The following GRID2 variants were observed in gnomAD, a reference collection of about 807,000 sequenced individuals.
GRID2 encodes glutamate receptor ionotropic, delta-2.
Under a neutral mutation model 114.8 loss-of-function variants are expected in GRID2, and 33 were observed. The observed-to-expected ratio is 0.29, with a 90% CI of 0.22 to 0.38. The LOEUF (loss-of-function observed/expected upper bound fraction) is 0.38. Among genes scored for constraint, GRID2 ranks in the 10% least tolerant of loss-of-function variants. The probability of loss-of-function intolerance (pLI) is 1.00; values close to 1 mark genes in which losing one functional copy is unlikely to be tolerated. For synonymous variants in GRID2, 505 were observed against 449.9 expected, an observed-to-expected ratio of 1.12 and a Z score of -1.55; for missense variants, 1,184 against 1,257.7, an observed-to-expected ratio of 0.94 and a Z score of 0.89.
At chr4:93,397,971 G>C (rs760568148) in intron 9 of GRID2, among the ~76,000 whole-genome samples, 1 of 151,302 alleles carries the variant, frequency 6.6e-6, no homozygotes, top group Non-Finnish European at 1.5e-5. Flanking sequence ...CTGTGGATAT[G>C]GAGTGTTAAC....
chr4:93,308,925 A>G (rs187515936), intron 8 of GRID2, among the ~76,000 whole-genome samples: 3 of 152,340 alleles, frequency 2.0e-5, no homozygotes, highest in East Asian at 3.9e-4. Flanking sequence ...TGTATCTGAA[A>G]TAAATAAGTG....
At position 92,656,816 on chromosome 4, in the gene GRID2, A is replaced by G. The variant is rs1391936211; in HGVS notation, c.244+66530A>G. ...GTGTTTTAAAGAACATTTTTTAGCA[A>G]TTAGAGTAATTTTATAAGATGTGAC... On this transcript the variant is annotated intron_variant, in intron 2 of 15. Transcript: ENST00000282020. 1.3e-5 allele frequency among the ~76,000 whole-genome samples: 2 copies of G among 151,780 alleles called. 1 individual carries two copies. The highest frequency in any genetic ancestry group is 3.0e-5 in the Non-Finnish European group (2 of 67,792).
chr4:93,177,541 T>A (rs991776331), intron 4 of GRID2, among the ~76,000 whole-genome samples: 4 of 152,198 alleles, frequency 2.6e-5, no homozygotes, highest in African/African-American at 4.8e-5. Flanking sequence ...AAGTGTTTCC[T>A]ACTTTATCAT....
At chr4:92,807,987 A>C (rs1218767215) in intron 2 of GRID2, among the ~76,000 whole-genome samples, 2 of 151,980 alleles carry the variant, frequency 1.3e-5, no homozygotes, top group East Asian at 3.9e-4. Flanking sequence ...GATATAATTA[A>C]ATTGAGGATT....
intron 1 of GRID2, among the ~76,000 whole-genome samples, chr4:92,579,172 T>A (rs1386926597): frequency 6.6e-6 from 1 of 152,124 alleles, no homozygotes; most frequent in Non-Finnish European, 1.5e-5. Flanking sequence ...TTTTATTTTT[T>A]TTAACTTGAG....
chr4:93,241,315 T>G (rs1387365555), intron 8 of GRID2, among the ~76,000 whole-genome samples: 1 of 151,732 alleles, frequency 6.6e-6, no homozygotes, highest in Admixed American at 6.6e-5. Context: ...TGCCTCTTCT[T>G]TTGTTATTTT....
At position 92,815,903 on chromosome 4, in the gene GRID2, T is replaced by A. The variant is rs138397176; in HGVS notation, c.244+225617T>A. 9.3e-3 allele frequency among the ~76,000 whole-genome samples: 941 copies of A among 100,742 alleles called. 18 individuals are homozygous for A. Among genetic ancestry groups the A allele is most frequent in the African/African-American group, 0.037 (878 of 23,996 alleles). 66.1% of individuals were successfully genotyped at this position (100,742 alleles called of 152,430 possible). On this transcript the variant is annotated intron_variant, in intron 2 of 15. Transcript: ENST00000282020. ...GTACTCCAGCCAAGGTGACAGTGCA[T>A]GACCCTGTCTCAAAAAAAAAAAAAA...
intron 1 of GRID2, among the ~76,000 whole-genome samples, chr4:92,508,766 A>AGGG (rs1724101711): frequency 6.6e-6 from 1 of 151,896 alleles, no homozygotes; most frequent in South Asian, 2.1e-4. Flanking sequence ...GATCTTGAGC[A>AGGG]GGGAATGGCA....
At chr4:93,563,638 T>C (rs1735124294) in intron 13 of GRID2, among the ~76,000 whole-genome samples, 1 of 152,066 alleles carries the variant, frequency 6.6e-6, no homozygotes, top group African/African-American at 2.4e-5. Context: ...AACAATAGTG[T>C]GTTTTTTAAA....
At chr4:92,600,378 C>T (rs1458829559) in intron 2 of GRID2, among the ~76,000 whole-genome samples, 1 of 151,670 alleles carries the variant, frequency 6.6e-6, no homozygotes, top group African/African-American at 2.4e-5. Flanking sequence ...TCTTACAGGT[C>T]AAGGGATGAG....
chr4:93,549,629 C>T (rs1025404322), intron 13 of GRID2, among the ~76,000 whole-genome samples: 3 of 152,150 alleles, frequency 2.0e-5, no homozygotes, highest in African/African-American at 7.2e-5. Context: ...AGAAATTTGA[C>T]TGAGGATAAA....
chr4:92,355,101 A>G (rs900765733), intron 1 of GRID2, among the ~76,000 whole-genome samples: 4 of 151,872 alleles, frequency 2.6e-5, no homozygotes, highest in African/African-American at 9.7e-5. Context: ...AATCATCAAT[A>G]TATGATGCTG....
intron 2 of GRID2, among the ~76,000 whole-genome samples, chr4:92,739,627 T>G (rs1355221236): frequency 6.6e-6 from 1 of 152,170 alleles, no homozygotes; most frequent in Non-Finnish European, 1.5e-5. Context: ...TTATAAAATC[T>G]ATGAATTTCA....
intron 14 of GRID2, among the ~76,000 whole-genome samples, chr4:93,652,210 G>A (rs1722639686): frequency 1.3e-5 from 2 of 151,972 alleles, no homozygotes; most frequent in Admixed American, 6.6e-5. Context: ...TTAGAATACA[G>A]ACATGCACAG....
At chr4:92,841,446 C>A (rs1341589231) in intron 2 of GRID2, among the ~76,000 whole-genome samples, 1 of 152,056 alleles carries the variant, frequency 6.6e-6, no homozygotes, top group Non-Finnish European at 1.5e-5. Context: ...TTTCAATGTG[C>A]TTCTAATATT....
At chr4:92,514,562 C>T (rs1221600940) in intron 1 of GRID2, among the ~76,000 whole-genome samples, 1 of 151,754 alleles carries the variant, frequency 6.6e-6, no homozygotes, top group African/African-American at 2.4e-5. Context: ...CTGTTACTAC[C>T]ACTGCTAGCT....
At chr4:93,345,386 C>T (rs992982375) in intron 8 of GRID2, among the ~76,000 whole-genome samples, 1 of 151,916 alleles carries the variant, frequency 6.6e-6, no homozygotes, top group African/African-American at 2.4e-5. Flanking sequence ...ATTTGCATTC[C>T]CTGAATATTA....
In GRID2 at chr4:92,678,958, C is replaced by T. The variant is rs1029333983; in HGVS notation, c.244+88672C>T. On this transcript the variant is annotated intron_variant, in intron 2 of 15. Transcript: ENST00000282020. ...GTTGGCATACCTTGTGACATCTCTC[C>T]GACTGCAAATAGCTTTTTTTTTTTT... is the stretch of plus-strand genomic sequence containing the variant. Among the ~76,000 whole-genome samples, 7 of 149,412 alleles carry T rather than the reference C, an allele frequency of 4.7e-5. No individual in the cohort carries two copies. The South Asian group carries it at 6.4e-4, about 14-fold the overall frequency.
At chr4:92,974,269 GAC>G (rs1753710219) in intron 2 of GRID2, among the ~76,000 whole-genome samples, 1 of 151,932 alleles carries the variant, frequency 6.6e-6, no homozygotes, top group Non-Finnish European at 1.5e-5. Flanking sequence ...CATTGTGGAA[GAC>G]AGTGTGGCAA....
Sources: allele counts gnomAD v4.1 joint callset (sites outside exome capture counted in the v4.1 genomes callset), GRCh38; gene constraint gnomAD v4.1.1; transcripts MANE v1.5; gene names NCBI Gene and HGNC (gene_info 2026-07-23, HGNC 2026-07-21).